The following MINK1 variants were observed in gnomAD, a reference collection of about 807,000 sequenced individuals.
MINK1 encodes misshapen like kinase 1.
In MINK1, 46 loss-of-function variants were observed where a neutral mutation model predicts 178.4. The observed-to-expected ratio is 0.26, with a 90% CI of 0.20 to 0.33. The LOEUF (loss-of-function observed/expected upper bound fraction) is 0.33, where lower values mean the gene tolerates loss of function less well. Ranked by LOEUF, MINK1 falls within the 10% of genes least tolerant of loss-of-function variation. The pLI, the probability that MINK1 is intolerant of heterozygous loss-of-function variation, is 1.00. For synonymous variants in MINK1, 797 were observed against 709.7 expected, an observed-to-expected ratio of 1.12 and a Z score of -1.96; for missense variants, 1,366 against 1,814.9, an observed-to-expected ratio of 0.75 and a Z score of 4.49.
At chr17:4,861,934 C>T (rs982019932) in intron 1 of MINK1, among the ~76,000 whole-genome samples, 2 of 152,218 alleles carry the variant, frequency 1.3e-5, no homozygotes, top group Non-Finnish European at 2.9e-5. Context: ...CGACAATAGT[C>T]GTTTTGTGTA....
rs1181192679 is a variant in MINK1, at chr17:4,897,233, C to T, written c.3945C>T (p.Gly1315=). The change falls in exon 32 of 32, where the codon GGC becomes GGT. Residue 1315 remains glycine (G), a synonymous_variant. Transcript: ENST00000355280. The stretch of plus-strand genomic sequence containing the variant: ...TTTTTGCCTCAGTCCGCTCTGGGGG[C>T]AGCAGCCAAGTTTACTTCATGACTC... ...KVFFASVRSG[G]SSQVYFMTLN... The T allele has an allele frequency of 1.9e-6, 3 of 1,613,802 alleles. No individual in the cohort carries two copies. Among genetic ancestry groups the T allele is most frequent in the East Asian group, 2.2e-5 (1 of 44,870 alleles).
At position 4,892,513 on chromosome 17, in the gene MINK1, G is replaced by A; in HGVS notation, c.2198+1G>A. ...CCCCTGGCCCGCCCAACGCCTCTAG[G>A]TAATAGAGTTGTCCCCCAACTCACT... On this transcript the variant is annotated splice_donor_variant, in intron 18 of 31. Transcript: ENST00000355280. LOFTEE classifies it high-confidence loss of function. 3.2e-6 allele frequency: 5 copies of A among 1,552,404 alleles called. No homozygotes were observed. Among genetic ancestry groups the A allele is most frequent in the Non-Finnish European group, 4.4e-6 (5 of 1,145,140 alleles).
At chr17:4,893,353 T>C in intron 20 of MINK1, 81 bp from the exon 21 acceptor site, 1 of 1,612,658 alleles carries the variant, frequency 6.2e-7, no homozygotes, top group Non-Finnish European at 8.5e-7. Flanking sequence ...CCTGTCGCCC[T>C]GCTGGGGTGT....
rs1296611965 is a variant in MINK1, at chr17:4,894,435, T to A, written c.2809-90T>A. On this transcript the variant is annotated intron_variant, in intron 23 of 31. Transcript: ENST00000355280. The surrounding 1 kb of genome is among the most constrained non-coding windows in gnomAD (Gnocchi z 4.1). ...GGGAGCTGGACAGCGGGGGTGCCAG[T>A]TGGGGAGCTGGAGCCTGGGGAACAG... 8 of 1,520,862 alleles carry A rather than the reference T, an allele frequency of 5.3e-6. No individual in the cohort carries two copies. Among genetic ancestry groups the A allele is most frequent in the Non-Finnish European group, 7.1e-6 (8 of 1,120,602 alleles). The allele number at this position is 1,520,862 out of a possible 1,614,324, so 94.2% of individuals were successfully genotyped here. A position where few individuals can be genotyped will look rare whatever the true frequency, so the allele number is the denominator to read the frequency against.
Position 4,887,267 on chromosome 17 carries a change from T to C in MINK1, c.1019+88T>C. The C allele has an allele frequency of 7.5e-7, 1 of 1,326,774 alleles. No homozygotes were observed. The highest frequency in any genetic ancestry group is 1.1e-6 in the Non-Finnish European group (1 of 947,166). The allele number at this position is 1,326,774 out of a possible 1,614,324, so 82.2% of individuals were successfully genotyped here. ...TGCTTGGCTTTGGGGACTCTCAGCC[T>C]GGGGGTGGTGGGCACAGAGAGGTAG... is the stretch of plus-strand genomic sequence containing the variant. On this transcript the variant is annotated intron_variant, in intron 11 of 31. Coordinates refer to ENST00000355280, the MANE Select transcript of MINK1 (RefSeq NM_153827.5). The surrounding 1 kb of genome is among the most constrained non-coding windows in gnomAD (Gnocchi z 7.6).
chr17:4,886,384 A>G lies in MINK1; in HGVS notation c.774-67A>G. The G allele has an allele frequency of 6.5e-7, 1 of 1,550,328 alleles. No individual in the cohort carries two copies. Among genetic ancestry groups the G allele is most frequent in the Non-Finnish European group, 8.8e-7 (1 of 1,138,168 alleles). On this transcript the variant is annotated intron_variant, in intron 9 of 31. Coordinates refer to ENST00000355280, the MANE Select transcript of MINK1 (RefSeq NM_153827.5). The surrounding 1 kb of genome is among the most constrained non-coding windows in gnomAD (Gnocchi z 6.1). Reference sequence around the variant, plus strand: ...AAGGTGGCTTGTGGATGAATGATCCACCCTCTTCCTCCTGCACCCATCCCT... The same window carrying G: ...AAGGTGGCTTGTGGATGAATGATCCGCCCTCTTCCTCCTGCACCCATCCCT...
Position 4,897,505 on chromosome 17 carries a change from C to G in MINK1, c.*218C>G, listed in dbSNP as rs1969677381. On this transcript the variant is annotated 3_prime_UTR_variant, in exon 32 of 32. Transcript: ENST00000355280. ...CCTCTTCCCAAAACTGTGCCTGTCCCCAGCTTCTGGGGAGGGACACAGCTT... is the reference window on the plus strand; with the variant it reads ...CCTCTTCCCAAAACTGTGCCTGTCCGCAGCTTCTGGGGAGGGACACAGCTT... The G allele has an allele frequency of 1.9e-6, 1 of 533,448 alleles. No homozygotes were observed. The highest frequency in any genetic ancestry group is 3.3e-6 in the Non-Finnish European group (1 of 299,358). The allele number at this position is 533,448 out of a possible 1,614,324, so 33.0% of individuals were successfully genotyped here.
intron 1 of MINK1, among the ~76,000 whole-genome samples, chr17:4,848,980 C>G (rs1911497533): frequency 6.6e-6 from 1 of 152,120 alleles, no homozygotes; most frequent in Non-Finnish European, 1.5e-5. Context: ...TCCTGGGGTT[C>G]TTTAACATTC....
At chr17:4,863,875 C>A (rs1022840586) in intron 1 of MINK1, among the ~76,000 whole-genome samples, 2 of 152,000 alleles carry the variant, frequency 1.3e-5, no homozygotes, top group Non-Finnish European at 2.9e-5. Context: ...CTGCAACCTT[C>A]GCCTCCCGGG....
At chr17:4,835,599 C>T (rs1236498456) in intron 1 of MINK1, among the ~76,000 whole-genome samples, 1 of 152,156 alleles carries the variant, frequency 6.6e-6, no homozygotes, top group Non-Finnish European at 1.5e-5. Context: ...TGCACTCCAG[C>T]TTGGGCGACA....
chr17:4,897,260 G>T lies in MINK1; in HGVS notation c.3972G>T (p.Leu1324=). Residue 1324 remains leucine (L), a synonymous_variant, in exon 32 of 32, where the codon CTG becomes CTT. Coordinates refer to ENST00000355280, the MANE Select transcript of MINK1 (RefSeq NM_153827.5). ...GGSSQVYFMT[L]NRNCIMNW is the part of the protein sequence containing the mutation. Reference sequence around the variant, plus strand: ...GCAGCCAAGTTTACTTCATGACTCTGAACCGTAACTGCATCATGAACTGGT... The same window carrying T: ...GCAGCCAAGTTTACTTCATGACTCTTAACCGTAACTGCATCATGAACTGGT... 1 of 1,613,756 alleles carries T rather than the reference G, an allele frequency of 6.2e-7. No homozygotes were observed. The highest frequency in any genetic ancestry group is 8.5e-7 in the Non-Finnish European group (1 of 1,179,742).
chr17:4,864,992 C>T (rs543490772), intron 1 of MINK1, among the ~76,000 whole-genome samples: 60 of 152,230 alleles, frequency 3.9e-4, no homozygotes, highest in Non-Finnish European at 4.0e-4. Flanking sequence ...CAGACCAGAG[C>T]TCTTTCCACG....
At chr17:4,880,952 T>C (rs1967647156) in intron 2 of MINK1, 32 bp from the exon 3 acceptor site, 2 of 1,458,508 alleles carry the variant, frequency 1.4e-6, no homozygotes, top group African/African-American at 2.8e-5. Context: ...CTCCACCCTC[T>C]GAGCATAGAC....
chr17:4,835,165 G>A (rs1465377853), intron 1 of MINK1, among the ~76,000 whole-genome samples: 1 of 152,158 alleles, frequency 6.6e-6, no homozygotes, highest in East Asian at 1.9e-4. Context: ...CTTGGCCAGG[G>A]TTTAAACTGG....
chr17:4,886,707 C>A lies in MINK1; in HGVS notation c.949+81C>A. 9 of 1,398,924 alleles carry A rather than the reference C, an allele frequency of 6.4e-6. No homozygotes were observed. Among genetic ancestry groups the A allele is most frequent in the Non-Finnish European group, 8.5e-6 (9 of 1,058,060 alleles). 86.7% of individuals were successfully genotyped at this position (1,398,924 alleles called of 1,614,324 possible). On this transcript the variant is annotated intron_variant, in intron 10 of 31. Transcript: ENST00000355280. The surrounding 1 kb of genome is among the most constrained non-coding windows in gnomAD (Gnocchi z 6.1). Reference sequence around the variant, plus strand: ...CTCTGCCAGCCCTGCTCGCTCCTGGCACCCCTTCCTGCTCCCCTCCTTGGC... The same window carrying A: ...CTCTGCCAGCCCTGCTCGCTCCTGGAACCCCTTCCTGCTCCCCTCCTTGGC...
intron 1 of MINK1, among the ~76,000 whole-genome samples, chr17:4,851,318 T>C (rs1911912749): frequency 6.6e-6 from 1 of 152,114 alleles, no homozygotes. Context: ...GATTTGCGGA[T>C]TTGCCTAAAT....
In MINK1 at chr17:4,886,659, G is replaced by T; in HGVS notation, c.949+33G>T. 9 of 1,538,418 alleles carry T rather than the reference G, an allele frequency of 5.9e-6. No homozygotes were observed. The highest frequency in any genetic ancestry group is 1.3e-5 in the South Asian group (1 of 79,488). Reference sequence around the variant, plus strand: ...GGCAGGCTGGAGGGGGCAGGTACTAGGGGACACTCCAGCCTGGCTCCTCTC... The same window carrying T: ...GGCAGGCTGGAGGGGGCAGGTACTATGGGACACTCCAGCCTGGCTCCTCTC... On this transcript the variant is annotated intron_variant, in intron 10 of 31. Transcript: ENST00000355280. The surrounding 1 kb of genome is among the most constrained non-coding windows in gnomAD (Gnocchi z 6.1).
At chr17:4,844,296 C>T (rs1232174135) in intron 1 of MINK1, among the ~76,000 whole-genome samples, 3 of 152,126 alleles carry the variant, frequency 2.0e-5, no homozygotes, top group Non-Finnish European at 4.4e-5. Flanking sequence ...CCACCGTGCC[C>T]GGCCTGCCTG....
At chr17:4,857,463 T>TTG (rs1875740447) in intron 1 of MINK1, 1 of 138,746 alleles carries the variant, frequency 7.2e-6, no homozygotes, top group African/African-American at 2.7e-5. Flanking sequence ...TGCTGGTTTT[T>TTG]TTTTTTTTTT....
Sources: allele counts gnomAD v4.1 joint callset (sites outside exome capture counted in the v4.1 genomes callset), GRCh38; gene constraint gnomAD v4.1.1; non-coding constraint Gnocchi (gnomAD v3.1); transcripts MANE v1.5; gene names NCBI Gene and HGNC (gene_info 2026-07-23, HGNC 2026-07-21).